The following WWOX variants were observed in gnomAD, a reference collection of about 807,000 sequenced individuals.
WWOX encodes WW domain-containing oxidoreductase.
A neutral mutation model predicts 46.2 loss-of-function variants in WWOX; 69 were observed. That is an observed-to-expected ratio of 1.49 (90% CI 1.23 to 1.82). The LOEUF (loss-of-function observed/expected upper bound fraction) is 1.82, where lower values mean the gene tolerates loss of function less well. Ranked by LOEUF, WWOX falls within the 40% of genes most tolerant of loss-of-function variation. WWOX has a pLI of 0.00. For synonymous variants in WWOX, 359 were observed against 202.6 expected, an observed-to-expected ratio of 1.77 and a Z score of -6.56; for missense variants, 919 against 542.6, an observed-to-expected ratio of 1.69 and a Z score of -6.89.
At chr16:78,769,998 C>G (rs1184802507) in intron 8 of WWOX, among the ~76,000 whole-genome samples, 3 of 151,954 alleles carry the variant, frequency 2.0e-5, no homozygotes, top group African/African-American at 2.4e-5. Context: ...GAGCTATGAT[C>G]TCACCTCTGT....
rs111308896 is a variant in WWOX, at chr16:79,178,012, A to G, written c.1057-33596A>G. ...TGATGACTTCTTGCTGTGTCAACTTAGTGGGAGGGGATAAAGCAGCTCTCT... is the reference window on the plus strand; with the variant it reads ...TGATGACTTCTTGCTGTGTCAACTTGGTGGGAGGGGATAAAGCAGCTCTCT... On this transcript the variant is annotated intron_variant, in intron 8 of 8. Transcript: ENST00000566780. Among the ~76,000 whole-genome samples the G allele has an allele frequency of 7.9e-4, 121 of 152,276 alleles. 1 individual carries two copies. The highest frequency in any genetic ancestry group is 2.7e-3 in the African/African-American group (113 of 41,540).
chr16:78,970,618 G>C (rs2046451121), intron 8 of WWOX, among the ~76,000 whole-genome samples: 1 of 152,176 alleles, frequency 6.6e-6, no homozygotes, highest in African/African-American at 2.4e-5. Flanking sequence ...GAAAGTCAGA[G>C]AGCTAACAAA....
At position 79,009,741 on chromosome 16, in the gene WWOX, G is replaced by A. The variant is rs528328196; in HGVS notation, c.1057-201867G>A. On this transcript the variant is annotated intron_variant, in intron 8 of 8. Transcript: ENST00000566780. ...GCTGGGATTACAGGTGTGAGCCACC[G>A]CTCCTGGCACCCATCAAATTTTCAA... 5.3e-5 allele frequency among the ~76,000 whole-genome samples: 8 copies of A among 152,220 alleles called. No homozygotes were observed. In the South Asian group the frequency reaches 8.3e-4, roughly 16 times the overall value.
At chr16:78,552,541 G>A (rs982321078) in intron 8 of WWOX, 3 of 152,306 alleles carry the variant, frequency 2.0e-5, no homozygotes, top group Admixed American at 2.0e-4. Flanking sequence ...CAGCTGGAGG[G>A]TCCAGGAGCC....
At chr16:78,357,768 A>G (rs2081329459) in intron 5 of WWOX, among the ~76,000 whole-genome samples, 1 of 152,048 alleles carries the variant, frequency 6.6e-6, no homozygotes, top group Non-Finnish European at 1.5e-5. Flanking sequence ...AGCTTGCTGC[A>G]CTCTTGCTGG....
At chr16:78,314,695 TTTTTTG>T (rs1567494465) in intron 5 of WWOX, among the ~76,000 whole-genome samples, 4 of 66,162 alleles carry the variant, frequency 6.0e-5, no homozygotes, top group African/African-American at 4.9e-4. Flanking sequence ...GGGGTTTTTT[TTTTTTG>T]TTTTTTTTTT....
At chr16:78,726,038 CTTCT>C (rs1043596252) in intron 8 of WWOX, among the ~76,000 whole-genome samples, 2 of 145,474 alleles carry the variant, frequency 1.4e-5, no homozygotes, top group African/African-American at 2.5e-5. Flanking sequence ...CTCCTCCTTT[CTTCT>C]TTCTTACTTT....
intron 8 of WWOX, among the ~76,000 whole-genome samples, chr16:78,531,663 T>G (rs1166249819): frequency 6.6e-6 from 1 of 151,972 alleles, no homozygotes; most frequent in Non-Finnish European, 1.5e-5. Flanking sequence ...GCCAACATGG[T>G]GAAACCCTGT....
At chr16:78,422,932 C>G (rs1296549414) in intron 6 of WWOX, among the ~76,000 whole-genome samples, 1 of 148,730 alleles carries the variant, frequency 6.7e-6, no homozygotes, top group Non-Finnish European at 1.5e-5. Flanking sequence ...GTTGCCCAGG[C>G]TGGGGTGCAG....
intron 8 of WWOX, among the ~76,000 whole-genome samples, chr16:78,830,117 G>GA (rs1044303979): frequency 4.0e-5 from 6 of 151,468 alleles, no homozygotes; most frequent in Non-Finnish European, 8.8e-5. Context: ...AAATTTACAT[G>GA]AAAAAAAATA....
intron 8 of WWOX, among the ~76,000 whole-genome samples, chr16:78,716,145 T>A (rs570425175): frequency 1.2e-3 from 185 of 151,918 alleles, no homozygotes; most frequent in Admixed American, 2.6e-3. Flanking sequence ...TAAAGGGGAA[T>A]TTTGGGCACA....
In WWOX at chr16:78,728,387, T is replaced by C. The variant is rs2048887284; in HGVS notation, c.1056+295635T>C. 2.6e-5 allele frequency among the ~76,000 whole-genome samples: 4 copies of C among 152,130 alleles called. No individual in the cohort carries two copies. In the South Asian group the frequency reaches 8.3e-4, roughly 32 times the overall value. On this transcript the variant is annotated intron_variant, in intron 8 of 8. Coordinates refer to ENST00000566780, the MANE Select transcript of WWOX (RefSeq NM_016373.4). ...CACACCTGGCCATGGATAACATTTC[T>C]ATAAAATATAACCATATTTTCAAAC...
chr16:79,093,880 C>T (rs918129261), intron 8 of WWOX, among the ~76,000 whole-genome samples: 3 of 152,160 alleles, frequency 2.0e-5, no homozygotes, highest in African/African-American at 4.8e-5. Flanking sequence ...TGGGCCTCAC[C>T]GCAGCTTCCT....
intron 8 of WWOX, among the ~76,000 whole-genome samples, chr16:78,989,958 A>C (rs2046853825): frequency 1.3e-5 from 2 of 151,646 alleles, no homozygotes; most frequent in Admixed American, 1.3e-4. Flanking sequence ...CGGGGCGAGC[A>C]AATTGCTTGA....
chr16:78,464,938 T>G (rs1391813257), intron 8 of WWOX, among the ~76,000 whole-genome samples: 1 of 152,216 alleles, frequency 6.6e-6, no homozygotes, highest in Non-Finnish European at 1.5e-5. Context: ...CTCAGTCGTT[T>G]CACCTGGCTG....
rs1169571927 is a variant in WWOX, at chr16:79,211,936, G to GA, written c.*145dup. 3 of 1,538,028 alleles carry GA rather than the reference G, an allele frequency of 2.0e-6. No individual in the cohort carries two copies. Among genetic ancestry groups the GA allele is most frequent in the African/African-American group, 2.7e-5 (2 of 73,086 alleles). On this transcript the variant is annotated 3_prime_UTR_variant, in exon 9 of 9. Transcript: ENST00000566780. Reference sequence around the variant, plus strand: ...GAAATAAGAGCAGTCACAACAGAGTGAAAAATCTTAAGTACCAATGGGAAG... The same window carrying GA: ...GAAATAAGAGCAGTCACAACAGAGTGAAAAAATCTTAAGTACCAATGGGAAG...
intron 8 of WWOX, among the ~76,000 whole-genome samples, chr16:79,012,458 C>G (rs747891928): frequency 2.6e-5 from 4 of 152,250 alleles, no homozygotes; most frequent in Admixed American, 6.5e-5. Context: ...GTCTCGAACT[C>G]CTGACCTCAA....
chr16:78,521,875 A>G (rs531670771), intron 8 of WWOX, among the ~76,000 whole-genome samples: 1 of 152,180 alleles, frequency 6.6e-6, no homozygotes, highest in South Asian at 2.1e-4. Context: ...GGTGGCTCAT[A>G]GGAGAAGGAG....
At chr16:78,366,501 T>A (rs1171915537) in intron 5 of WWOX, among the ~76,000 whole-genome samples, 1 of 152,218 alleles carries the variant, frequency 6.6e-6, no homozygotes, top group Non-Finnish European at 1.5e-5. Flanking sequence ...GTATTAATTA[T>A]AAGACTGTTA....
Sources: allele counts gnomAD v4.1 joint callset (sites outside exome capture counted in the v4.1 genomes callset), GRCh38; gene constraint gnomAD v4.1.1; transcripts MANE v1.5; gene names NCBI Gene and HGNC (gene_info 2026-07-23, HGNC 2026-07-21).